Variants in IQCM observed in about 807,000 individuals in gnomAD.
The protein encoded by IQCM is IQ motif containing M, also known as IQ domain-containing protein M.
In IQCM, 45 loss-of-function variants were observed where a neutral mutation model predicts 57.6. That is an observed-to-expected ratio of 0.78 (90% CI 0.62 to 1.00). The LOEUF (loss-of-function observed/expected upper bound fraction) is 1.00. IQCM is among the 50% of genes least tolerant of loss of function. IQCM has a pLI of 0.00. For missense variants in IQCM, 468 were observed against 511.6 expected (o/e 0.91, Z 0.82); for synonymous variants, 148 against 158.9 (o/e 0.93, Z 0.51).
chr4:149,442,914 C>T (rs1490515824), intron 12 of IQCM, among the ~76,000 whole-genome samples: 1 of 148,962 alleles, frequency 6.7e-6, no homozygotes, highest in East Asian at 2.0e-4. Flanking sequence ...AACTAGCAGG[C>T]TATCTCTCAA....
At chr4:149,575,353 T>G (rs1751534190) in intron 9 of IQCM, among the ~76,000 whole-genome samples, 1 of 151,894 alleles carries the variant, frequency 6.6e-6, no homozygotes, top group African/African-American at 2.4e-5. Flanking sequence ...CTCATTATTA[T>G]TTTACTATTC....
intron 2 of IQCM, among the ~76,000 whole-genome samples, chr4:149,794,386 A>ATG (rs1772920612): frequency 1.3e-5 from 2 of 152,246 alleles, no homozygotes; most frequent in African/African-American, 4.8e-5. Context: ...TCTGCCTATT[A>ATG]CACAGTGTCC....
intron 9 of IQCM, among the ~76,000 whole-genome samples, chr4:149,569,177 T>G (rs1011075024): frequency 6.6e-6 from 1 of 152,176 alleles, no homozygotes; most frequent in Non-Finnish European, 1.5e-5. Context: ...TGTTGCACAA[T>G]AAATAATAAA....
At chr4:149,697,432 A>G (rs1285046861) in intron 5 of IQCM, among the ~76,000 whole-genome samples, 1 of 152,104 alleles carries the variant, frequency 6.6e-6, no homozygotes, top group Non-Finnish European at 1.5e-5. Context: ...AAAAAAAAAG[A>G]GTTGATTGTT....
At chr4:149,695,143 C>G (rs755673861) in intron 5 of IQCM, among the ~76,000 whole-genome samples, 4 of 152,122 alleles carry the variant, frequency 2.6e-5, no homozygotes, top group Non-Finnish European at 4.4e-5. Flanking sequence ...AATGCCAATT[C>G]CTCACTAGAC....
At chr4:149,806,203 GT>G (rs1561294856) in intron 2 of IQCM, among the ~76,000 whole-genome samples, 1 of 151,672 alleles carries the variant, frequency 6.6e-6, no homozygotes, top group East Asian at 1.9e-4. Flanking sequence ...ATGGTATTAT[GT>G]GTTTTCTTTC....
intron 8 of IQCM, among the ~76,000 whole-genome samples, chr4:149,602,061 A>T (rs899089940): frequency 4.6e-5 from 7 of 151,686 alleles, no homozygotes; most frequent in African/African-American, 1.7e-4. Flanking sequence ...AAAAAGAAAA[A>T]ATATGCTTTT....
chr4:149,515,143 T>C (rs1018115757), intron 12 of IQCM, among the ~76,000 whole-genome samples: 3 of 150,644 alleles, frequency 2.0e-5, no homozygotes, highest in Admixed American at 6.6e-5. Context: ...CAGAGTTCTC[T>C]AGGATTTTTA....
chr4:149,559,811 T>C (rs149760674), intron 10 of IQCM, among the ~76,000 whole-genome samples: 1 of 152,348 alleles, frequency 6.6e-6, no homozygotes, highest in Non-Finnish European at 1.5e-5. Context: ...CTGTGGCCTG[T>C]TGGGAACCAG....
At chr4:149,449,820 A>T (rs1284116691) in intron 12 of IQCM, among the ~76,000 whole-genome samples, 3 of 151,840 alleles carry the variant, frequency 2.0e-5, no homozygotes. Flanking sequence ...CCCTATCAAA[A>T]TACCAATGAC....
At chr4:149,451,490 A>T (rs1737117549) in intron 12 of IQCM, among the ~76,000 whole-genome samples, 1 of 151,732 alleles carries the variant, frequency 6.6e-6, no homozygotes, top group Non-Finnish European at 1.5e-5. Flanking sequence ...AAATTTAAAT[A>T]AAAAATTCCT....
chr4:149,776,671 T>C (rs1561262781), intron 2 of IQCM, among the ~76,000 whole-genome samples: 3 of 152,148 alleles, frequency 2.0e-5, no homozygotes, highest in Admixed American at 1.3e-4. Flanking sequence ...TTATATGATG[T>C]AAAGATTACT....
At chr4:149,525,688 G>A (rs762269529) in intron 12 of IQCM, among the ~76,000 whole-genome samples, 30 of 151,864 alleles carry the variant, frequency 2.0e-4, no homozygotes, top group South Asian at 6.2e-4. Flanking sequence ...TAGGTTCTAT[G>A]TGTACCTTGG....
chr4:149,561,772 G>A (rs575417426), intron 10 of IQCM, among the ~76,000 whole-genome samples: 45 of 152,160 alleles, frequency 3.0e-4, no homozygotes, highest in Admixed American at 2.1e-3. Flanking sequence ...TAAAGAGTAC[G>A]TACTTCCAAA....
intron 12 of IQCM, among the ~76,000 whole-genome samples, chr4:149,458,854 T>TGG (rs1737975890): frequency 6.6e-6 from 1 of 152,186 alleles, no homozygotes; most frequent in East Asian, 1.9e-4. Context: ...CTCTGTAAAA[T>TGG]ACTAGGTTTC....
chr4:149,543,770 C>T (rs1160051233), intron 12 of IQCM, among the ~76,000 whole-genome samples: 1 of 151,796 alleles, frequency 6.6e-6, no homozygotes, highest in Non-Finnish European at 1.5e-5. Context: ...AAAACAATTG[C>T]TATTTCTTCA....
intron 9 of IQCM, among the ~76,000 whole-genome samples, chr4:149,566,227 G>A: frequency 6.6e-6 from 1 of 152,130 alleles, no homozygotes; most frequent in South Asian, 2.1e-4. Context: ...TGAAATCTAA[G>A]AGATTCTGAG....
intron 2 of IQCM, among the ~76,000 whole-genome samples, chr4:149,814,930 C>G (rs1233844366): frequency 1.3e-5 from 2 of 151,884 alleles, no homozygotes; most frequent in African/African-American, 2.4e-5. Flanking sequence ...TTCAAGAGCA[C>G]TCTAAAAATC....
intron 10 of IQCM, among the ~76,000 whole-genome samples, chr4:149,558,882 C>T (rs1749847535): frequency 6.6e-6 from 1 of 152,174 alleles, no homozygotes; most frequent in South Asian, 2.1e-4. Context: ...AACTGCTTCC[C>T]AGACATCTCA....
Sources: gnomAD v4.1 joint callset for allele counts (sites outside exome capture counted in the v4.1 genomes callset) on GRCh38, gnomAD v4.1.1 for gene constraint, MANE v1.5 for transcripts, NCBI Gene and HGNC (gene_info 2026-07-23, HGNC 2026-07-21) for gene names.